The following FBXL20 variants were observed in gnomAD, a reference collection of about 807,000 sequenced individuals.
FBXL20 encodes the protein F-box/LRR-repeat protein 20.
FBXL20 carries 11 observed loss-of-function variants against 64.0 expected under a neutral mutation model. The ratio of observed to expected loss-of-function variants is 0.17; its 90% CI spans 0.11 to 0.28. The LOEUF (loss-of-function observed/expected upper bound fraction) is 0.28, where lower values mean the gene tolerates loss of function less well. Ranked by LOEUF, FBXL20 falls within the 10% of genes least tolerant of loss-of-function variation. The pLI, the probability that FBXL20 is intolerant of heterozygous loss-of-function variation, is 1.00. For synonymous variants in FBXL20, 184 were observed against 189.0 expected, an observed-to-expected ratio of 0.97 and a Z score of 0.22; for missense variants, 303 against 526.2, an observed-to-expected ratio of 0.58 and a Z score of 4.15.
chr17:39,372,501 G>C (rs1431439193), intron 1 of FBXL20, among the ~76,000 whole-genome samples: 3 of 97,698 alleles, frequency 3.1e-5, no homozygotes, highest in South Asian at 8.4e-4. Flanking sequence ...CCTGGCAACA[G>C]AGCGAGACTC....
chr17:39,337,503 G>A (rs2047535447), intron 2 of FBXL20, among the ~76,000 whole-genome samples: 1 of 152,046 alleles, frequency 6.6e-6, no homozygotes, highest in South Asian at 2.1e-4. Context: ...AAAGTGAGGA[G>A]CGTCTCTGCC....
chr17:39,315,563 G>A (rs563788788), intron 2 of FBXL20, among the ~76,000 whole-genome samples: 8 of 151,750 alleles, frequency 5.3e-5, no homozygotes, highest in South Asian at 2.1e-4. Context: ...TGAACAATAC[G>A]TCGGAGTCCA....
intron 1 of FBXL20, among the ~76,000 whole-genome samples, chr17:39,372,516 CAAAA>C (rs747264126): frequency 2.4e-5 from 1 of 41,158 alleles, no homozygotes. Context: ...AGACTCTGAC[CAAAA>C]AAAAAAAAAA....
chr17:39,282,971 A>C, intron 7 of FBXL20, 116 bp from the exon 8 acceptor site: 1 of 1,172,020 alleles, frequency 8.5e-7, no homozygotes, highest in Non-Finnish European at 1.2e-6. Context: ...TTTTTCCCAC[A>C]AGAAAAAACA....
chr17:39,331,389 T>A (rs1043245940), intron 2 of FBXL20, among the ~76,000 whole-genome samples: 1 of 152,134 alleles, frequency 6.6e-6, no homozygotes, highest in Non-Finnish European at 1.5e-5. Flanking sequence ...GTGGGAGGTA[T>A]CATGCTCAGC....
chr17:39,378,490 T>C (rs1444129081), intron 1 of FBXL20, among the ~76,000 whole-genome samples: 2 of 152,122 alleles, frequency 1.3e-5, no homozygotes, highest in South Asian at 2.1e-4. Context: ...CAGACATTTC[T>C]ACAAAGGAGA....
chr17:39,289,148 A>G (rs554138260), intron 6 of FBXL20, among the ~76,000 whole-genome samples: 15 of 152,276 alleles, frequency 9.9e-5, no homozygotes, highest in African/African-American at 3.6e-4. Flanking sequence ...CATTGCCCTG[A>G]TGAACGTTCC....
At chr17:39,331,982 G>T (rs1035565183) in intron 2 of FBXL20, among the ~76,000 whole-genome samples, 2 of 152,208 alleles carry the variant, frequency 1.3e-5, no homozygotes, top group African/African-American at 4.8e-5. Context: ...TAGAACCAAT[G>T]TAACAATACA....
At position 39,260,008 on chromosome 17, in the gene FBXL20, A is replaced by C. The variant is rs1280913361; in HGVS notation, c.*1452T>G. On this transcript the variant is annotated 3_prime_UTR_variant, in exon 15 of 15. Transcript: ENST00000264658. ...AAAAAAAAAAAAAAAAAAAAAAAAG[A>C]CTGGGGCAGAAAAGAGAGATGACTG... 6.9e-6 allele frequency: 1 copy of C among 144,160 alleles called. No individual in the cohort carries two copies. Among genetic ancestry groups the C allele is most frequent in the Non-Finnish European group, 1.5e-5 (1 of 65,990 alleles). The allele number at this position is 144,160 out of a possible 1,614,324, so 8.9% of individuals were successfully genotyped here.
intron 1 of FBXL20, among the ~76,000 whole-genome samples, chr17:39,399,028 A>T (rs985163007): frequency 2.6e-5 from 4 of 152,118 alleles, no homozygotes; most frequent in Non-Finnish European, 5.9e-5. Flanking sequence ...AGAGTGGGAG[A>T]TTTAAGGTGT....
intron 7 of FBXL20, among the ~76,000 whole-genome samples, chr17:39,283,692 T>A (rs915553733): frequency 4.7e-5 from 7 of 149,826 alleles, no homozygotes; most frequent in African/African-American, 1.7e-4. Context: ...TTATCTGAGA[T>A]GTTTCTAGAG....
rs539374180 is a variant in FBXL20, at chr17:39,353,968, T to C, written c.43-10727A>G. Among the ~76,000 whole-genome samples the C allele has an allele frequency of 2.0e-5, 3 of 152,258 alleles. No homozygotes were observed. The South Asian group carries it at 6.2e-4, about 32-fold the overall frequency. ...TTTCGTTTTTCAAGATGAAGAGTTC[T>C]GAAGATTGCTTGTACAACACTGTGA... is the stretch of plus-strand genomic sequence containing the variant. On this transcript the variant is annotated intron_variant, in intron 1 of 14. Transcript: ENST00000264658.
At chr17:39,401,802 G>A, upstream of FBXL20, 1 of 840,590 alleles carries the variant, frequency 1.2e-6, no homozygotes, top group Non-Finnish European at 1.5e-6. Flanking sequence ...GGCCCTGACG[G>A]CGCTCCCGGG....
intron 2 of FBXL20, among the ~76,000 whole-genome samples, chr17:39,314,602 C>T (rs973838483): frequency 6.6e-6 from 1 of 152,066 alleles, no homozygotes; most frequent in Non-Finnish European, 1.5e-5. Flanking sequence ...CTCTAGTGAT[C>T]CACCTGCCTC....
At chr17:39,387,917 T>C (rs2048098276) in intron 1 of FBXL20, among the ~76,000 whole-genome samples, 2 of 152,102 alleles carry the variant, frequency 1.3e-5, no homozygotes, top group African/African-American at 2.4e-5. Flanking sequence ...CAATTTATCA[T>C]AGGTTTATCA....
At chr17:39,378,874 G>C (rs1203627882) in intron 1 of FBXL20, among the ~76,000 whole-genome samples, 1 of 151,202 alleles carries the variant, frequency 6.6e-6, no homozygotes, top group Non-Finnish European at 1.5e-5. Context: ...GCCTCTCAAA[G>C]TGCTGGGATT....
intron 5 of FBXL20, among the ~76,000 whole-genome samples, chr17:39,298,693 G>A (rs1286638552): frequency 6.6e-6 from 1 of 152,078 alleles, no homozygotes; most frequent in East Asian, 1.9e-4. Context: ...CAGCCTGGGT[G>A]ATAGTGTGAG....
At chr17:39,287,430 C>T (rs145913274) in intron 6 of FBXL20, among the ~76,000 whole-genome samples, 1 of 151,970 alleles carries the variant, frequency 6.6e-6, no homozygotes, top group East Asian at 1.9e-4. Flanking sequence ...TTGTTACAGA[C>T]AGGGTCTCAC....
At chr17:39,397,732 A>C (rs558699352) in intron 1 of FBXL20, among the ~76,000 whole-genome samples, 2 of 152,046 alleles carry the variant, frequency 1.3e-5, no homozygotes, top group Admixed American at 6.6e-5. Context: ...AGGATTGCTC[A>C]AGCCCAGCAG....
Sources: gnomAD v4.1 joint callset for allele counts (sites outside exome capture counted in the v4.1 genomes callset) on GRCh38, gnomAD v4.1.1 for gene constraint, MANE v1.5 for transcripts, NCBI Gene and HGNC (gene_info 2026-07-23, HGNC 2026-07-21) for gene names.